Variants in ITSN1 observed in about 807,000 individuals in gnomAD.
The protein encoded by ITSN1 is intersectin-1.
In ITSN1, 58 loss-of-function variants were observed where a neutral mutation model predicts 239.8. That is an observed-to-expected ratio of 0.24 (90% CI 0.20 to 0.30). ITSN1 has a LOEUF of 0.30. ITSN1 is among the 10% of genes least tolerant of loss of function. The pLI is 1.00. For synonymous variants in ITSN1, 780 were observed against 770.8 expected (o/e 1.01, Z -0.20); for missense variants, 1,558 against 2,103.3 (o/e 0.74, Z 5.07).
intron 1 of ITSN1, among the ~76,000 whole-genome samples, chr21:33,658,548 A>C (rs1223750688): frequency 6.6e-6 from 1 of 152,318 alleles, no homozygotes; most frequent in South Asian, 2.1e-4. Flanking sequence ...AGGCACGGTA[A>C]AAATATGCTG....
intron 1 of ITSN1, among the ~76,000 whole-genome samples, chr21:33,716,731 ATCACAAGG>A (rs1175256165): frequency 2.0e-5 from 3 of 151,852 alleles, no homozygotes; most frequent in Non-Finnish European, 4.4e-5. Context: ...AGACAGGCGG[ATCACAAGG>A]TCAGGAGTTC....
chr21:33,746,330 C>G (rs887995684), intron 5 of ITSN1, among the ~76,000 whole-genome samples: 3 of 152,126 alleles, frequency 2.0e-5, no homozygotes, highest in Non-Finnish European at 4.4e-5. Context: ...TTGTCTCACC[C>G]TCAAGAAAAG....
intron 1 of ITSN1, among the ~76,000 whole-genome samples, chr21:33,708,880 A>T (rs1161899908): frequency 6.6e-6 from 1 of 152,140 alleles, no homozygotes; most frequent in Non-Finnish European, 1.5e-5. Flanking sequence ...CCCCACCTGG[A>T]TATCCAGTTG....
chr21:33,857,773 G>A (rs1979641602), intron 30 of ITSN1, among the ~76,000 whole-genome samples: 1 of 152,088 alleles, frequency 6.6e-6, no homozygotes, highest in Non-Finnish European at 1.5e-5. Flanking sequence ...GGATGTCCAG[G>A]GTGCAAGTGT....
At chr21:33,689,567 C>T (rs1313184151) in intron 1 of ITSN1, among the ~76,000 whole-genome samples, 4 of 151,986 alleles carry the variant, frequency 2.6e-5, no homozygotes, top group Admixed American at 6.6e-5. Context: ...TCCTAGCTAC[C>T]GTAGAGGCTA....
At position 33,721,158 on chromosome 21, in the gene ITSN1, G is replaced by A. The variant is rs780369569; in HGVS notation, c.29-20G>A. On this transcript the variant is annotated intron_variant, in intron 2 of 39. Transcript: ENST00000381318. ...CCTTTTCTCACTGAATAATTTGTTT[G>A]TCTTTTCTTTGGATTTTAGGCAGCC... 6 of 1,564,512 alleles carry A rather than the reference G, an allele frequency of 3.8e-6. No homozygotes were observed. In the Admixed American group the frequency reaches 1.0e-4, roughly 26 times the overall value.
intron 5 of ITSN1, among the ~76,000 whole-genome samples, chr21:33,745,815 A>G (rs1341210797): frequency 1.3e-5 from 2 of 152,200 alleles, no homozygotes; most frequent in Admixed American, 6.5e-5. Flanking sequence ...GGCTGAGGCT[A>G]TGCACATGTG....
rs78725596 is a variant in ITSN1, at chr21:33,892,756, A to G, written c.*4456A>G. On this transcript the variant is annotated 3_prime_UTR_variant, in exon 40 of 40. Transcript: ENST00000381318. ...TTCAATGCTTGATCAAATGGGGGGC[A>G]TTTTCTTTCTTTCTTTTTTTCCCCA... 1,813 of 152,194 alleles carry G rather than the reference A, an allele frequency of 0.012. 45 individuals carry two copies. The highest frequency in any genetic ancestry group is 0.041 in the African/African-American group (1,698 of 41,500). 9.4% of individuals were successfully genotyped at this position (152,194 alleles called of 1,614,324 possible). A position where few individuals can be genotyped will look rare whatever the true frequency, so the allele number is the denominator to read the frequency against.
chr21:33,866,730 G>A (rs1235925815), intron 32 of ITSN1, among the ~76,000 whole-genome samples: 2 of 152,164 alleles, frequency 1.3e-5, no homozygotes, highest in Non-Finnish European at 2.9e-5. Context: ...CTTGACCCCC[G>A]TTGTCTGAGC....
At chr21:33,814,254 TG>T (rs2073116400) in intron 22 of ITSN1, 182 bp downstream of exon 22, 3 of 164,208 alleles carry the variant, frequency 1.8e-5, no homozygotes, top group Non-Finnish European at 3.5e-5. Flanking sequence ...GAGTTGGGGG[TG>T]GGGGTGGGAC....
chr21:33,655,314 ACCT>A (rs981778902), intron 1 of ITSN1, among the ~76,000 whole-genome samples: 1 of 151,950 alleles, frequency 6.6e-6, no homozygotes, highest in African/African-American at 2.4e-5. Context: ...TAAAATGTTG[ACCT>A]CCTGCAAAAA....
At chr21:33,676,241 C>T (rs1427379227) in intron 1 of ITSN1, among the ~76,000 whole-genome samples, 2 of 152,044 alleles carry the variant, frequency 1.3e-5, no homozygotes, top group Non-Finnish European at 2.9e-5. Context: ...CTTCGGCCTC[C>T]CAGAGTGCTA....
intron 26 of ITSN1, chr21:33,829,348 TTCGTGGAGGGAAGTTGG>T: frequency 2.5e-6 from 1 of 406,252 alleles, no homozygotes; most frequent in South Asian, 2.5e-5. Context: ...AGGAGCGGAC[TTCGTGGAGGGAAGTTGG>T]TAAGTAAGTT....
chr21:33,725,947 C>T (rs2065808659), intron 4 of ITSN1, among the ~76,000 whole-genome samples: 2 of 152,130 alleles, frequency 1.3e-5, no homozygotes, highest in African/African-American at 4.8e-5. Context: ...CACATAGTAA[C>T]CCTGAGTAGT....
chr21:33,690,648 C>T (rs1047951850), intron 1 of ITSN1, among the ~76,000 whole-genome samples: 43 of 147,402 alleles, frequency 2.9e-4, no homozygotes, highest in Middle Eastern at 3.5e-3. Flanking sequence ...GTAATCTTAG[C>T]TACTGGGGAA....
chr21:33,842,434 T>A (rs1324172356), intron 29 of ITSN1, among the ~76,000 whole-genome samples: 2 of 152,226 alleles, frequency 1.3e-5, no homozygotes, highest in East Asian at 3.8e-4. Flanking sequence ...TGCAACTTAA[T>A]GTTGGGCATA....
chr21:33,858,682 G>T lies in ITSN1; in HGVS notation c.3784-4G>T. 1 of 1,598,292 alleles carries T rather than the reference G, an allele frequency of 6.3e-7. No homozygotes were observed. Among genetic ancestry groups the T allele is most frequent in the South Asian group, 1.1e-5 (1 of 90,460 alleles). On this transcript the variant is annotated splice_polypyrimidine_tract_variant and splice_region_variant and intron_variant, in intron 30 of 39. Coordinates refer to ENST00000381318, the MANE Select transcript of ITSN1 (RefSeq NM_003024.3). ...CTGAACTGCTTCGTTTTCTGCATCT[G>T]TAGATTTTTCAAAAACCCCTGATGG...
At chr21:33,706,737 GT>G (rs1445007533) in intron 1 of ITSN1, among the ~76,000 whole-genome samples, 1 of 151,912 alleles carries the variant, frequency 6.6e-6, no homozygotes, top group Admixed American at 6.6e-5. Flanking sequence ...TTCAATTCAG[GT>G]TTTATTTGTT....
chr21:33,653,818 G>A (rs1359523001), intron 1 of ITSN1, among the ~76,000 whole-genome samples: 5 of 152,040 alleles, frequency 3.3e-5, no homozygotes, highest in Non-Finnish European at 7.4e-5. Flanking sequence ...CACTGCGCCC[G>A]GCCAATGTCT....
Sources: gnomAD v4.1 joint callset for allele counts (sites outside exome capture counted in the v4.1 genomes callset) on GRCh38, gnomAD v4.1.1 for gene constraint, MANE v1.5 for transcripts, NCBI Gene and HGNC (gene_info 2026-07-23, HGNC 2026-07-21) for gene names.